BLTP1: variants seen among roughly 807,000 people sequenced by gnomAD.
The protein encoded by BLTP1 is bridge-like lipid transfer protein family member 1.
chr4:122,274,324 A>AT, the BLTP1 span: 3 of 1,251,028 alleles, frequency 2.4e-6, no homozygotes, highest in African/African-American at 1.5e-5. Context: ...TCAAATAAAT[A>AT]TTTTTTCTCA....
chr4:122,155,710 T>G, the BLTP1 span, among the ~76,000 whole-genome samples: 17 of 152,310 alleles, frequency 1.1e-4, no homozygotes, highest in African/African-American at 4.1e-4. Context: ...AATTTTTTAA[T>G]TTGAGAAAAT....
chr4:122,277,212 G>A, the BLTP1 span: 23 of 390,144 alleles, frequency 5.9e-5, no homozygotes, highest in East Asian at 2.4e-3. Context: ...ATGGTGGCAC[G>A]TCTCTGTAGT....
At chr4:122,345,069 T>A in the BLTP1 span, 5 of 963,874 alleles carry the variant, frequency 5.2e-6, no homozygotes, top group Non-Finnish European at 6.2e-6. Flanking sequence ...TCCAGAATAC[T>A]GAGTAAAAAC....
chr4:122,251,524 G>T, the BLTP1 span: 1 of 969,798 alleles, frequency 1.0e-6, no homozygotes, highest in African/African-American at 1.8e-5. Flanking sequence ...ATGTTTAGGG[G>T]ATGGATTATC....
At chr4:122,277,659 G>C in the BLTP1 span, 2 of 970,468 alleles carry the variant, frequency 2.1e-6, no homozygotes, top group Non-Finnish European at 2.5e-6. Flanking sequence ...TTATGAATCA[G>C]ACTTTTATCA....
the BLTP1 span, among the ~76,000 whole-genome samples, chr4:122,232,714 A>T: frequency 6.6e-6 from 1 of 152,232 alleles, no homozygotes; most frequent in Admixed American, 6.5e-5. Flanking sequence ...TACTATTTTT[A>T]TAGTAAGTGG....
chr4:122,189,885 G>A, the BLTP1 span: 8 of 1,450,460 alleles, frequency 5.5e-6, no homozygotes, highest in Non-Finnish European at 7.3e-6. Context: ...CTTGTTATGT[G>A]CTTGTTAGTT....
the BLTP1 span, among the ~76,000 whole-genome samples, chr4:122,228,019 C>T: frequency 1.3e-5 from 2 of 151,438 alleles, no homozygotes; most frequent in Non-Finnish European, 2.9e-5. Flanking sequence ...GTTCATGCCA[C>T]TCTCTTGCCT....
chr4:122,231,363 T>G, the BLTP1 span, among the ~76,000 whole-genome samples: 2 of 152,226 alleles, frequency 1.3e-5, no homozygotes. Context: ...CATTTATATA[T>G]TTCTGAAATT....
the BLTP1 span, chr4:122,270,315 T>C: frequency 1.0e-6 from 1 of 981,556 alleles, no homozygotes; most frequent in Non-Finnish European, 1.2e-6. Context: ...GTCTGCACAT[T>C]CATAGTGTGC....
the BLTP1 span, among the ~76,000 whole-genome samples, chr4:122,275,427 G>T: frequency 0.05 from 7,589 of 152,118 alleles, 271 homozygotes; most frequent in Non-Finnish European, 0.075. Context: ...TGCTTCTACT[G>T]AAAGTCATAG....
At chr4:122,246,505 C>A in the BLTP1 span, 2 of 591,396 alleles carry the variant, frequency 3.4e-6, no homozygotes, top group African/African-American at 2.0e-5. Context: ...TGTTCCACAT[C>A]CATCCAGTAA....
At chr4:122,345,776 G>A in the BLTP1 span, among the ~76,000 whole-genome samples, 405 of 152,170 alleles carry the variant, frequency 2.7e-3, 2 homozygotes, top group African/African-American at 9.3e-3. Context: ...AGTAGACCAT[G>A]CAATAGTAGA....
At chr4:122,207,203 A>G in the BLTP1 span, 1 of 1,612,298 alleles carries the variant, frequency 6.2e-7, no homozygotes, top group Non-Finnish European at 8.5e-7. Flanking sequence ...CATCAGTTTG[A>G]AATGATTTGG....
chr4:122,362,058 T>A, the BLTP1 span: 2 of 1,610,710 alleles, frequency 1.2e-6, no homozygotes, highest in Non-Finnish European at 1.7e-6. Flanking sequence ...GAAGAAAGAT[T>A]GATCCAGTAG....
the BLTP1 span, chr4:122,305,760 G>A: frequency 7.4e-7 from 1 of 1,358,536 alleles, no homozygotes; most frequent in Non-Finnish European, 9.6e-7. Context: ...ATTAACAGCT[G>A]AATTTGAGAA....
chr4:122,346,665 G>A, the BLTP1 span: 4 of 1,613,126 alleles, frequency 2.5e-6, no homozygotes, highest in African/African-American at 1.3e-5. Context: ...TATGATATGC[G>A]CCGACTCAGT....
At chr4:122,196,561 T>A in the BLTP1 span, 1 of 1,195,090 alleles carries the variant, frequency 8.4e-7, no homozygotes, top group South Asian at 1.5e-5. Flanking sequence ...AATTAGAATA[T>A]TGATTATGTT....
At chr4:122,180,134 A>G in the BLTP1 span, 1 of 985,332 alleles carries the variant, frequency 1.0e-6, no homozygotes, top group Non-Finnish European at 1.2e-6. Context: ...CAGGAACTGG[A>G]CAAAGGAGGT....
Sources: allele counts gnomAD v4.1 joint callset (sites outside exome capture counted in the v4.1 genomes callset), GRCh38; gene constraint gnomAD v4.1.1; transcripts MANE v1.5; gene names NCBI Gene and HGNC (gene_info 2026-07-23, HGNC 2026-07-21).